The following TGFBR3 variants were observed in gnomAD, a reference collection of about 807,000 sequenced individuals.
TGFBR3 encodes transforming growth factor beta receptor 3.
In TGFBR3, 46 loss-of-function variants were observed where a neutral mutation model predicts 87.9. The observed-to-expected ratio is 0.52, with a 90% CI of 0.41 to 0.67. The LOEUF is 0.67. TGFBR3 is among the 30% of genes least tolerant of loss of function. The pLI, the probability that TGFBR3 is intolerant of heterozygous loss-of-function variation, is 0.00. For synonymous variants in TGFBR3, 381 were observed against 391.6 expected (o/e 0.97, Z 0.32); for missense variants, 866 against 1,041.9 (o/e 0.83, Z 2.32).
chr1:91,767,069 T>C (rs1323447367), intron 3 of TGFBR3, among the ~76,000 whole-genome samples: 1 of 134,402 alleles, frequency 7.4e-6, no homozygotes, highest in African/African-American at 2.8e-5. Flanking sequence ...TGCTGCAACC[T>C]GGTATCTCAG....
intron 1 of TGFBR3, among the ~76,000 whole-genome samples, chr1:91,865,769 G>A (rs1031613072): frequency 2.6e-5 from 4 of 151,946 alleles, no homozygotes; most frequent in African/African-American, 7.3e-5. Flanking sequence ...AAAATTAGCC[G>A]GGCGCGGTGG....
At chr1:91,836,511 C>T (rs1042721150) in intron 2 of TGFBR3, among the ~76,000 whole-genome samples, 5 of 152,128 alleles carry the variant, frequency 3.3e-5, no homozygotes, top group East Asian at 3.8e-4. Flanking sequence ...TGGCTCTTAA[C>T]GTCTATGCTC....
chr1:91,852,377 CGTGT>C (rs1486372354), intron 2 of TGFBR3, among the ~76,000 whole-genome samples: 2 of 152,176 alleles, frequency 1.3e-5, no homozygotes, highest in Non-Finnish European at 2.9e-5. Flanking sequence ...CCTCAACTCC[CGTGT>C]GTGTGTATGT....
chr1:91,804,178 G>A (rs1675748583), intron 2 of TGFBR3, among the ~76,000 whole-genome samples: 1 of 151,698 alleles, frequency 6.6e-6, no homozygotes, highest in Non-Finnish European at 1.5e-5. Flanking sequence ...TACTAAAAGG[G>A]GCAGAAAAAA....
chr1:91,839,795 A>G (rs1677199757), intron 2 of TGFBR3, among the ~76,000 whole-genome samples: 1 of 152,232 alleles, frequency 6.6e-6, no homozygotes, highest in Non-Finnish European at 1.5e-5. Flanking sequence ...TCTGGACCAG[A>G]AAAAGAACAT....
chr1:91,868,619 C>T lies in TGFBR3; in HGVS notation c.-113-6975G>A, dbSNP rs992323353. On this transcript the variant is annotated intron_variant, in intron 1 of 16. Transcript: ENST00000212355. Reference sequence around the variant, plus strand: ...TGTGGAACTTGGTCTGGCACTGCCACCAAACCAACCAAGCTACCTAGAATG... The same window carrying T: ...TGTGGAACTTGGTCTGGCACTGCCATCAAACCAACCAAGCTACCTAGAATG... 2.0e-5 allele frequency among the ~76,000 whole-genome samples: 3 copies of T among 152,102 alleles called. 1 individual carries two copies. The highest frequency in any genetic ancestry group is 2.0e-4 in the Admixed American group (3 of 15,276).
rs149609620 is a variant in TGFBR3 at position 91,804,446 on chromosome 1, C to T, written c.62-6975G>A. 5.1e-3 allele frequency among the ~76,000 whole-genome samples: 784 copies of T among 152,280 alleles called. 1 individual carries two copies. Among genetic ancestry groups the T allele is most frequent in the Non-Finnish European group, 8.5e-3 (579 of 68,028 alleles). ...GGCCCTAGCCTTCCTGTCCCTTTCC[C>T]TCTGCCACAGCCAGCTCATGAACCT... On this transcript the variant is annotated intron_variant, in intron 2 of 16. Coordinates refer to ENST00000212355, the MANE Select transcript of TGFBR3 (RefSeq NM_003243.5).
intron 1 of TGFBR3, among the ~76,000 whole-genome samples, chr1:91,882,138 C>CA (rs1553176413): frequency 4.6e-5 from 6 of 129,598 alleles, no homozygotes; most frequent in African/African-American, 1.7e-4. Flanking sequence ...AATTGAAAAC[C>CA]TTTTTTTTTT....
At chr1:91,885,506 C>A (rs1388558874) in intron 1 of TGFBR3, among the ~76,000 whole-genome samples, 3 of 152,206 alleles carry the variant, frequency 2.0e-5, no homozygotes, top group African/African-American at 7.2e-5. Context: ...CACAACAAAC[C>A]ATTCCCACCG....
At chr1:91,730,070 C>CTGAGCA in intron 5 of TGFBR3, 97 bp from the exon 6 acceptor site, 1 of 1,331,356 alleles carries the variant, frequency 7.5e-7, no homozygotes, top group Non-Finnish European at 1.1e-6. Context: ...AAATGGCAGA[C>CTGAGCA]ACAGGGAACC....
At chr1:91,759,478 T>C (rs1218960210) in intron 3 of TGFBR3, among the ~76,000 whole-genome samples, 1 of 150,266 alleles carries the variant, frequency 6.7e-6, no homozygotes, top group African/African-American at 2.5e-5. Context: ...CTATTGCAGG[T>C]CATCACTGTT....
chr1:91,878,370 T>C lies in TGFBR3; in HGVS notation c.-114+7508A>G, dbSNP rs139070708. On this transcript the variant is annotated intron_variant, in intron 1 of 16. Transcript: ENST00000212355. ...AAATTTCCAAATAGTCTCCAGAGTA[T>C]TTTTGCATCCAAGGACCAATATCAC... Among the ~76,000 whole-genome samples the C allele has an allele frequency of 9.7e-3, 1,474 of 151,606 alleles. 25 individuals are homozygous for C. The highest frequency in any genetic ancestry group is 0.033 in the African/African-American group (1,371 of 41,390).
At position 91,680,550 on chromosome 1, in the gene TGFBR3, C is replaced by A. The variant is rs1670874057; in HGVS notation, c.*3189G>T. 6.6e-6 allele frequency: 3 copies of A among 453,882 alleles called. No homozygotes were observed. Among genetic ancestry groups the A allele is most frequent in the South Asian group, 3.1e-5 (2 of 64,470 alleles). The allele number at this position is 453,882 out of a possible 1,614,324, so 28.1% of individuals were successfully genotyped here. A position where few individuals can be genotyped will look rare whatever the true frequency, so the allele number is the denominator to read the frequency against. Reference sequence around the variant, plus strand: ...GATGAAAACCAGCAACAAAATCAGGCTCATTCAGGAAAAACCAGAAGAGAG... The same window carrying A: ...GATGAAAACCAGCAACAAAATCAGGATCATTCAGGAAAAACCAGAAGAGAG... On this transcript the variant is annotated 3_prime_UTR_variant, in exon 17 of 17. Coordinates refer to ENST00000212355, the MANE Select transcript of TGFBR3 (RefSeq NM_003243.5).
At chr1:91,778,377 CTG>C (rs1476230665) in intron 3 of TGFBR3, among the ~76,000 whole-genome samples, 1 of 152,008 alleles carries the variant, frequency 6.6e-6, no homozygotes, top group African/African-American at 2.4e-5. Flanking sequence ...AAAAAAGAAA[CTG>C]AGATCCAAAT....
chr1:91,891,192 CT>C (rs577377769), intron 2 of TGFBR3, among the ~76,000 whole-genome samples: 2,560 of 141,698 alleles, frequency 0.018, 25 homozygotes, highest in South Asian at 0.068. Flanking sequence ...CCTGGTCTCT[CT>C]TTTTTTTTTT....
intron 1 of TGFBR3, among the ~76,000 whole-genome samples, chr1:91,876,462 C>T (rs1678812421): frequency 6.6e-6 from 1 of 152,198 alleles, no homozygotes; most frequent in South Asian, 2.1e-4. Flanking sequence ...AAATGCTAGG[C>T]TTCGCACCTC....
At position 91,729,911 on chromosome 1, in the gene TGFBR3, C is replaced by T. The variant is rs756599009; in HGVS notation, c.631G>A (p.Glu211Lys). Residue 211 changes from glutamate (E) to lysine (K), a missense_variant, in exon 6 of 17, where the codon GAG becomes AAG. Transcript: ENST00000212355. Reference sequence around the variant, plus strand: ...TCTGCTGCTTTGGGTTGAAGGTACTCAGCAAGGTAATTGAGTGAGAGAAAA... The same window carrying T: ...TCTGCTGCTTTGGGTTGAAGGTACTTAGCAAGGTAATTGAGTGAGAGAAAA... ...KNFLSLNYLAEYLQPKAAEGC... is the reference protein window; with the variant it reads ...KNFLSLNYLAKYLQPKAAEGC... 6.2e-6 allele frequency: 10 copies of T among 1,614,200 alleles called. No homozygotes were observed. The highest frequency in any genetic ancestry group is 8.5e-6 in the Non-Finnish European group (10 of 1,180,038).
rs3767572 is a variant in TGFBR3 at position 91,704,997 on chromosome 1, A to G, written c.2287+3666T>C. On this transcript the variant is annotated intron_variant, in intron 14 of 16. Transcript: ENST00000212355. ...TCCCAGAAAATCCAAGTGTTGAAAA[A>G]TAAGATGAACCAAATGACCAGAGAG... Among the ~76,000 whole-genome samples, 617 of 152,336 alleles carry G rather than the reference A, an allele frequency of 4.1e-3. 6 individuals are homozygous for G. The highest frequency in any genetic ancestry group is 0.033 in the East Asian group (172 of 5,176).
intron 14 of TGFBR3, among the ~76,000 whole-genome samples, chr1:91,706,465 T>A (rs554400610): frequency 6.7e-4 from 102 of 152,292 alleles, no homozygotes; most frequent in African/African-American, 2.4e-3. Flanking sequence ...ACCAGCACCA[T>A]GACAGTTGAC....
Sources: allele counts gnomAD v4.1 joint callset (sites outside exome capture counted in the v4.1 genomes callset), GRCh38; gene constraint gnomAD v4.1.1; transcripts MANE v1.5; gene names NCBI Gene and HGNC (gene_info 2026-07-23, HGNC 2026-07-21).